ATP6V1A: variants seen among roughly 807,000 people sequenced by gnomAD.
ATP6V1A encodes the protein ATPase H+ transporting V1 subunit A, also known as V-type proton ATPase catalytic subunit A.
ATP6V1A carries 18 observed loss-of-function variants against 70.1 expected under a neutral mutation model. That is an observed-to-expected ratio of 0.26 (90% CI 0.18 to 0.38). The LOEUF (loss-of-function observed/expected upper bound fraction) is 0.38, where lower values mean the gene tolerates loss of function less well. ATP6V1A is among the 10% of genes least tolerant of loss of function. The pLI, the probability that ATP6V1A is intolerant of heterozygous loss-of-function variation, is 1.00. For synonymous variants in ATP6V1A, 232 were observed against 253.8 expected, an observed-to-expected ratio of 0.91 and a Z score of 0.82; for missense variants, 424 against 772.4, an observed-to-expected ratio of 0.55 and a Z score of 5.35.
At chr3:113,780,877 C>T in intron 2 of ATP6V1A, 173 bp from the exon 3 acceptor site, 1 of 1,289,632 alleles carries the variant, frequency 7.8e-7, no homozygotes, top group South Asian at 1.4e-5. Context: ...ATATTATACA[C>T]TAAAATATAT....
At chr3:113,766,466 T>C (rs1708772485) in intron 1 of ATP6V1A, among the ~76,000 whole-genome samples, 1 of 152,160 alleles carries the variant, frequency 6.6e-6, no homozygotes, top group Non-Finnish European at 1.5e-5. Flanking sequence ...AGCTAATTTT[T>C]TAATTTTTTG....
In ATP6V1A at chr3:113,765,340, C is replaced by T. The variant is rs150238010; in HGVS notation, c.-13-13401C>T. The stretch of plus-strand genomic sequence containing the variant: ...TAGTTCTGTAAGAGATGGGGCCAGG[C>T]GTAGTGGCTCATCCAGCACTTTGGG... On this transcript the variant is annotated intron_variant, in intron 1 of 14. Transcript: ENST00000273398. Among the ~76,000 whole-genome samples the T allele has an allele frequency of 4.6e-3, 704 of 152,192 alleles. 15 individuals are homozygous for T. The highest frequency in any genetic ancestry group is 0.034 in the Admixed American group (515 of 15,264).
intron 8 of ATP6V1A, among the ~76,000 whole-genome samples, chr3:113,793,584 AAC>A (rs1709121310): frequency 6.6e-6 from 1 of 152,198 alleles, no homozygotes; most frequent in South Asian, 2.1e-4. Flanking sequence ...ACAGATTTAA[AAC>A]ACAGCATGCT....
At chr3:113,753,577 A>C (rs963599313) in intron 1 of ATP6V1A, among the ~76,000 whole-genome samples, 1 of 152,184 alleles carries the variant, frequency 6.6e-6, no homozygotes, top group Non-Finnish European at 1.5e-5. Flanking sequence ...TTGTTATGTA[A>C]ATTATGGCCG....
intron 1 of ATP6V1A, among the ~76,000 whole-genome samples, chr3:113,751,401 A>G (rs1025664410): frequency 3.3e-5 from 5 of 151,970 alleles, no homozygotes; most frequent in South Asian, 2.1e-4. Context: ...TTCCTGAAAA[A>G]AAAAATTACT....
chr3:113,767,447 T>G (rs1441492871), intron 1 of ATP6V1A, among the ~76,000 whole-genome samples: 2 of 152,040 alleles, frequency 1.3e-5, no homozygotes, highest in African/African-American at 4.8e-5. Flanking sequence ...TAAGACACTA[T>G]GCCATATGGA....
intron 2 of ATP6V1A, among the ~76,000 whole-genome samples, chr3:113,780,413 AT>A (rs1310525131): frequency 6.6e-6 from 1 of 152,232 alleles, no homozygotes; most frequent in Non-Finnish European, 1.5e-5. Flanking sequence ...AGTAAATGGA[AT>A]TCCATTGACA....
chr3:113,760,697 C>T (rs1334207510), intron 1 of ATP6V1A, among the ~76,000 whole-genome samples: 3 of 152,048 alleles, frequency 2.0e-5, no homozygotes, highest in African/African-American at 7.2e-5. Flanking sequence ...CCATTGCACT[C>T]CAGCCTGGGC....
chr3:113,753,693 C>CTTTT (rs11375661), intron 1 of ATP6V1A, among the ~76,000 whole-genome samples: 8 of 141,096 alleles, frequency 5.7e-5, no homozygotes, highest in Admixed American at 1.4e-4. Context: ...TATCATGTGT[C>CTTTT]TTTTTTTTTT....
chr3:113,785,506 CTT>C (rs987781968), intron 5 of ATP6V1A, among the ~76,000 whole-genome samples: 184 of 107,158 alleles, frequency 1.7e-3, no homozygotes, highest in Middle Eastern at 5.4e-3. Context: ...TTTTTCTTTT[CTT>C]TTTTTTTTTT....
In ATP6V1A at chr3:113,789,748, A is replaced by C; in HGVS notation, c.896A>C (p.Asp299Ala). The change falls in exon 8 of 15, where the codon GAT becomes GCT. Residue 299 changes from aspartate (D) to alanine (A), a missense_variant. Physicochemically the swap from Asp to Ala is moderately radical, Grantham distance 126. Around this residue, in one of 9 missense-constraint regions of ATP6V1A, gnomAD observed 18 missense variants for 16.2 expected, o/e 1.11. Coordinates refer to ENST00000273398, the MANE Select transcript of ATP6V1A (RefSeq NM_001690.4). ...TACCTCTAGCTCACAATGGAGGTTG[A>C]TGGTAAGGTAGAGTCAATTATGAAG... ...RDFPELTMEV[D>A]GKVESIMKRT... The C allele has an allele frequency of 6.2e-7, 1 of 1,609,858 alleles. No individual in the cohort carries two copies. The highest frequency in any genetic ancestry group is 1.1e-5 in the South Asian group (1 of 90,988).
rs377648537 is a variant in ATP6V1A, at chr3:113,771,524, G to A, written c.-13-7217G>A. Among the ~76,000 whole-genome samples the A allele has an allele frequency of 7.7e-5, 11 of 143,590 alleles. No individual in the cohort carries two copies. The East Asian group carries it at 1.7e-3, about 23-fold the overall frequency. 94.2% of individuals were successfully genotyped at this position (143,590 alleles called of 152,430 possible). A position where few individuals can be genotyped will look rare whatever the true frequency, so the allele number is the denominator to read the frequency against. On this transcript the variant is annotated intron_variant, in intron 1 of 14. Transcript: ENST00000273398. ...GTGATCACCGCTTGCTGCAAGCTCC[G>A]CCTCCCGGGTTCAGGCCATTCTCCT...
chr3:113,748,451 T>C (rs1708548698), intron 1 of ATP6V1A, among the ~76,000 whole-genome samples: 1 of 152,348 alleles, frequency 6.6e-6, no homozygotes, highest in South Asian at 2.1e-4. Flanking sequence ...TGAAAAATTA[T>C]ATGCTCAGTT....
intron 13 of ATP6V1A, 39 bp from the exon 14 acceptor site, chr3:113,805,315 T>C (rs760801500): frequency 3.7e-5 from 58 of 1,588,516 alleles, no homozygotes; most frequent in Non-Finnish European, 4.9e-5. Flanking sequence ...TGTTTTGGAG[T>C]TTATTTTTGT....
At chr3:113,763,960 C>T (rs571706487) in intron 1 of ATP6V1A, among the ~76,000 whole-genome samples, 2 of 152,214 alleles carry the variant, frequency 1.3e-5, no homozygotes, top group Admixed American at 1.3e-4. Context: ...ATTAAAGTGG[C>T]AGGGTGCAGT....
At chr3:113,748,134 C>T (rs997068020) in intron 1 of ATP6V1A, among the ~76,000 whole-genome samples, 1 of 152,136 alleles carries the variant, frequency 6.6e-6, no homozygotes, top group Non-Finnish European at 1.5e-5. Flanking sequence ...TTAGCTTTCC[C>T]CATTTGTAAA....
intron 14 of ATP6V1A, 68 bp downstream of exon 14, chr3:113,805,593 A>G (rs983891442): frequency 1.4e-6 from 2 of 1,456,170 alleles, no homozygotes; most frequent in African/African-American, 2.9e-5. Flanking sequence ...TTTTTTAGAC[A>G]GAGTCTCACT....
chr3:113,795,994 C>T (rs1709149876), intron 11 of ATP6V1A, 55 bp downstream of exon 11: 4 of 1,421,508 alleles, frequency 2.8e-6, no homozygotes, highest in Middle Eastern at 1.8e-4. Context: ...CTCTGCAGCC[C>T]CTGCTGTTCT....
chr3:113,801,136 CAG>C (rs1709207203), intron 12 of ATP6V1A: 1 of 151,928 alleles, frequency 6.6e-6, no homozygotes, highest in Non-Finnish European at 1.5e-5. Context: ...TCCTGGGTGA[CAG>C]AGTGAGACCC....
Sources: gnomAD v4.1 joint callset for allele counts (sites outside exome capture counted in the v4.1 genomes callset) on GRCh38, gnomAD v4.1.1 for gene constraint, gnomAD v4.1.1 regional missense constraint, MANE v1.5 for transcripts, NCBI Gene and HGNC (gene_info 2026-07-23, HGNC 2026-07-21) for gene names.